Variants in GPHN observed in about 807,000 individuals in gnomAD.
GPHN encodes gephyrin.
A neutral mutation model predicts 95.5 loss-of-function variants in GPHN; 17 were observed. That is an observed-to-expected ratio of 0.18 (90% CI 0.12 to 0.27). The LOEUF (loss-of-function observed/expected upper bound fraction) is 0.27, where lower values mean the gene tolerates loss of function less well. Among genes scored for constraint, GPHN ranks in the 10% least tolerant of loss-of-function variants. The probability of loss-of-function intolerance (pLI) is 1.00; values close to 1 mark genes in which losing one functional copy is unlikely to be tolerated. For missense variants in GPHN, 660 were observed against 978.1 expected (o/e 0.67, Z 4.34); for synonymous variants, 320 against 322.5 (o/e 0.99, Z 0.08).
chr14:66,893,847 C>G (rs1021270387), intron 5 of GPHN, among the ~76,000 whole-genome samples: 11 of 152,144 alleles, frequency 7.2e-5, no homozygotes, highest in Non-Finnish European at 2.9e-5. Context: ...CAAATTACTG[C>G]TCAACAAAAT....
At chr14:67,254,986 TA>T in the GPHN span, among the ~76,000 whole-genome samples, 2 of 152,112 alleles carry the variant, frequency 1.3e-5, no homozygotes, top group Non-Finnish European at 2.9e-5. Flanking sequence ...TCTTCTCTAC[TA>T]AAAATACAAA....
intron 1 of GPHN, among the ~76,000 whole-genome samples, chr14:66,628,480 G>C (rs2063604229): frequency 6.6e-6 from 1 of 152,044 alleles, no homozygotes; most frequent in African/African-American, 2.4e-5. Flanking sequence ...TAAATATGTG[G>C]TATAAAAGAT....
At chr14:67,614,451 C>T in the GPHN span, among the ~76,000 whole-genome samples, 1 of 152,108 alleles carries the variant, frequency 6.6e-6, no homozygotes, top group Non-Finnish European at 1.5e-5. Context: ...AGCCAGTTGT[C>T]GAACACAACC....
intron 3 of GPHN, among the ~76,000 whole-genome samples, chr14:66,790,191 G>A (rs75697894): frequency 3.2e-4 from 48 of 152,162 alleles, no homozygotes; most frequent in Non-Finnish European, 4.9e-4. Context: ...CTTTAGTCAC[G>A]CCAAACTGCC....
chr14:67,498,311 C>T, the GPHN span, among the ~76,000 whole-genome samples: 3 of 152,098 alleles, frequency 2.0e-5, no homozygotes, highest in Non-Finnish European at 2.9e-5. Context: ...TGTGGTTCTC[C>T]CTGTGCACAC....
chr14:67,692,237 T>G, the GPHN span: 1 of 577,934 alleles, frequency 1.7e-6, no homozygotes, highest in Non-Finnish European at 3.0e-6. Flanking sequence ...CTATGACGTT[T>G]TGAATTCATT....
At chr14:66,718,085 G>A (rs2153425945) in intron 2 of GPHN, among the ~76,000 whole-genome samples, 1 of 152,286 alleles carries the variant, frequency 6.6e-6, no homozygotes, top group Non-Finnish European at 1.5e-5. Context: ...TACACCCTTT[G>A]TGTTCAGCTA....
At chr14:67,285,794 G>A in the GPHN span, among the ~76,000 whole-genome samples, 1 of 152,174 alleles carries the variant, frequency 6.6e-6, no homozygotes, top group Non-Finnish European at 1.5e-5. Context: ...TCTGTTGCCT[G>A]TTTCAGAGTC....
chr14:67,565,524 G>A, the GPHN span, among the ~76,000 whole-genome samples: 1 of 152,138 alleles, frequency 6.6e-6, no homozygotes, highest in African/African-American at 2.4e-5. Flanking sequence ...TACCCGGTCT[G>A]AGAGCCAGGC....
chr14:67,690,362 T>C, the GPHN span: 28 of 1,614,080 alleles, frequency 1.7e-5, no homozygotes, highest in East Asian at 6.2e-4. Context: ...ACATTTACTA[T>C]CCTTGATGGG....
At chr14:66,558,331 A>T (rs1056605390) in intron 1 of GPHN, among the ~76,000 whole-genome samples, 1 of 152,182 alleles carries the variant, frequency 6.6e-6, no homozygotes, top group Non-Finnish European at 1.5e-5. Context: ...ATTTTGTACA[A>T]AGAATACTGA....
chr14:67,092,338 G>T (rs1234110767), intron 12 of GPHN, among the ~76,000 whole-genome samples: 1 of 152,052 alleles, frequency 6.6e-6, no homozygotes, highest in Non-Finnish European at 1.5e-5. Context: ...TTGTGGCTAA[G>T]ACCCTCCTTT....
the GPHN span, among the ~76,000 whole-genome samples, chr14:67,211,477 A>G: frequency 6.6e-6 from 1 of 152,210 alleles, no homozygotes; most frequent in Non-Finnish European, 1.5e-5. Flanking sequence ...TTAATGTAGT[A>G]AAAAATAATT....
At chr14:67,734,713 G>A in the GPHN span, among the ~76,000 whole-genome samples, 1 of 152,172 alleles carries the variant, frequency 6.6e-6, no homozygotes, top group Non-Finnish European at 1.5e-5. Context: ...GCACCCAAAA[G>A]GAAAGGATTT....
At chr14:67,361,355 A>G in the GPHN span, among the ~76,000 whole-genome samples, 1 of 152,230 alleles carries the variant, frequency 6.6e-6, no homozygotes, top group African/African-American at 2.4e-5. Flanking sequence ...ACCTATTCTT[A>G]GTTCATCTGG....
chr14:66,648,403 C>A (rs2064867140), intron 1 of GPHN, among the ~76,000 whole-genome samples: 1 of 152,044 alleles, frequency 6.6e-6, no homozygotes, highest in African/African-American at 2.4e-5. Flanking sequence ...TAAGAAAATA[C>A]CACCAATGGT....
At chr14:67,332,898 G>C in the GPHN span, 3 of 1,613,956 alleles carry the variant, frequency 1.9e-6, no homozygotes, top group Non-Finnish European at 2.5e-6. Context: ...GAATTGCTTA[G>C]GTTAATTAAC....
At chr14:67,047,789 C>T (rs559108011) in intron 10 of GPHN, among the ~76,000 whole-genome samples, 5 of 152,156 alleles carry the variant, frequency 3.3e-5, no homozygotes, top group Non-Finnish European at 5.9e-5. Context: ...AGGGAGACCC[C>T]ATCTGTGCAA....
At chr14:67,721,789 C>T in the GPHN span, among the ~76,000 whole-genome samples, 1 of 148,626 alleles carries the variant, frequency 6.7e-6, no homozygotes, top group African/African-American at 2.5e-5. Flanking sequence ...TATATAAAAC[C>T]ATATATTATA....
Sources: gnomAD v4.1 joint callset for allele counts (sites outside exome capture counted in the v4.1 genomes callset) on GRCh38, gnomAD v4.1.1 for gene constraint, MANE v1.5 for transcripts, NCBI Gene and HGNC (gene_info 2026-07-23, HGNC 2026-07-21) for gene names.